Variants in SARDH observed in about 807,000 individuals in gnomAD.
SARDH encodes the protein sarcosine dehydrogenase.
A neutral mutation model predicts 109.1 loss-of-function variants in SARDH; 95 were observed. That is an observed-to-expected ratio of 0.87 (90% CI 0.74 to 1.03). The LOEUF is 1.03. SARDH is among the 50% of genes least tolerant of loss of function. The pLI, the probability that SARDH is intolerant of heterozygous loss-of-function variation, is 0.00. For synonymous variants in SARDH, 572 were observed against 534.8 expected, an observed-to-expected ratio of 1.07 and a Z score of -0.96; for missense variants, 1,267 against 1,287.8, an observed-to-expected ratio of 0.98 and a Z score of 0.25.
chr9:133,706,796 G>A (rs116169370), intron 11 of SARDH, among the ~76,000 whole-genome samples: 1,869 of 152,254 alleles, frequency 0.012, 36 homozygotes, highest in African/African-American at 0.043. Context: ...AGAGGGCCTC[G>A]GGGGCAGCAT....
At chr9:133,661,724 GC>G (rs1245345818), downstream of SARDH, among the ~76,000 whole-genome samples, 2 of 151,914 alleles carry the variant, frequency 1.3e-5, no homozygotes, top group African/African-American at 4.8e-5. Context: ...CAGGTGATCC[GC>G]CCCCCTCGGC....
chr9:133,728,933 C>T lies in SARDH; in HGVS notation c.915+832G>A, dbSNP rs192303236. 7.0e-4 allele frequency among the ~76,000 whole-genome samples: 106 copies of T among 150,808 alleles called. No individual in the cohort carries two copies. The highest frequency in any genetic ancestry group is 2.5e-3 in the African/African-American group (104 of 40,900). ...ATGAAAGAAGGGATGGACAGATGAACATGTGGATAAATAGATGAATAGATA... is the reference window on the plus strand; with the variant it reads ...ATGAAAGAAGGGATGGACAGATGAATATGTGGATAAATAGATGAATAGATA... On this transcript the variant is annotated intron_variant, in intron 6 of 20. Transcript: ENST00000439388. The surrounding 1 kb of genome is among the most constrained non-coding windows in gnomAD (Gnocchi z 5.0).
At position 133,718,867 on chromosome 9, in the gene SARDH, G is replaced by A. The variant is rs1431941752; in HGVS notation, c.1020+71C>T. 7 of 1,229,384 alleles carry A rather than the reference G, an allele frequency of 5.7e-6. No individual in the cohort carries two copies. Among genetic ancestry groups the A allele is most frequent in the Non-Finnish European group, 6.0e-6 (5 of 830,536 alleles). 76.2% of individuals were successfully genotyped at this position (1,229,384 alleles called of 1,614,324 possible). A position where few individuals can be genotyped will look rare whatever the true frequency, so the allele number is the denominator to read the frequency against. The stretch of plus-strand genomic sequence containing the variant: ...GGAGCTTCAGGAGGATGGACTTCCT[G>A]AAAGAGGCCCTCTCCATGCTGAGAT... On this transcript the variant is annotated intron_variant, in intron 7 of 20. Coordinates refer to ENST00000439388, the MANE Select transcript of SARDH (RefSeq NM_001134707.2). The surrounding 1 kb of genome is among the most constrained non-coding windows in gnomAD (Gnocchi z 4.2).
At chr9:133,664,427 C>T (rs1010002211) in intron 20 of SARDH, among the ~76,000 whole-genome samples, 1 of 152,232 alleles carries the variant, frequency 6.6e-6, no homozygotes, top group African/African-American at 2.4e-5. Context: ...CTGGAACAGC[C>T]TTCTAGACAG....
Position 133,693,809 on chromosome 9 carries a change from G to A in SARDH, c.1921+449C>T, listed in dbSNP as rs144591718. 4.2e-3 allele frequency among the ~76,000 whole-genome samples: 645 copies of A among 152,324 alleles called. 1 individual carries two copies. The highest frequency in any genetic ancestry group is 0.015 in the African/African-American group (628 of 41,568). On this transcript the variant is annotated intron_variant, in intron 15 of 20. Coordinates refer to ENST00000439388, the MANE Select transcript of SARDH (RefSeq NM_001134707.2). This position sits in a 1 kb window ranked among gnomAD's most constrained non-coding sequence, Gnocchi z 5.6. ...CTGCAGCAGGCAATCAGGCATCAGC[G>A]TGGGCCCTGAACTGGACGTCTTCTA...
chr9:133,717,357 C>A lies in SARDH; in HGVS notation c.1119G>T (p.Lys373Asn). The change falls in exon 8 of 21, where the codon AAG (lysine) becomes AAT (asparagine). Residue 373 changes from lysine (K) to asparagine (N), a missense_variant. Lys to Asn is a moderately conservative substitution (Grantham distance 94). Coordinates refer to ENST00000439388, the MANE Select transcript of SARDH (RefSeq NM_001134707.2). ...GAINRVPVLEKTGIKSTVCGP... is the reference protein window; with the variant it reads ...GAINRVPVLENTGIKSTVCGP... Reference sequence around the variant, plus strand: ...CGCAGACCGTGGACTTGATTCCTGTCTTCTCCAGCACGGGGACCCTGTTGA... The same window carrying A: ...CGCAGACCGTGGACTTGATTCCTGTATTCTCCAGCACGGGGACCCTGTTGA... 1 of 1,614,156 alleles carries A rather than the reference C, an allele frequency of 6.2e-7. No individual in the cohort carries two copies.
intron 1 of SARDH, among the ~76,000 whole-genome samples, chr9:133,735,582 C>T (rs145336045): frequency 1.7e-3 from 254 of 152,326 alleles, no homozygotes; most frequent in Non-Finnish European, 2.7e-3. Flanking sequence ...TCAGCCTCCA[C>T]GTTTGCACTG....
In SARDH at chr9:133,687,720, GA is replaced by G. The variant is rs199746931; in HGVS notation, c.2070-2435del. On this transcript the variant is annotated intron_variant, in intron 16 of 20. Coordinates refer to ENST00000439388, the MANE Select transcript of SARDH (RefSeq NM_001134707.2). ...ACCACTCAGTTATGGAGCATTTCCA[GA>G]AAGTTCCATGGGGCAGCAGCTCACA... Among the ~76,000 whole-genome samples the G allele has an allele frequency of 8.4e-3, 1,279 of 152,318 alleles. 10 individuals carry two copies. Among genetic ancestry groups the G allele is most frequent in the Middle Eastern group, 0.024 (7 of 294 alleles).
chr9:133,732,400 G>GGC, intron 3 of SARDH, 23 bp downstream of exon 3: 1 of 763,150 alleles, frequency 1.3e-6, no homozygotes, highest in African/African-American at 3.0e-5. Context: ...CCCCCTCCTT[G>GGC]CCCCCCGCAG....
chr9:133,687,993 G>A (rs927453976), intron 16 of SARDH, among the ~76,000 whole-genome samples: 24 of 152,098 alleles, frequency 1.6e-4, no homozygotes, highest in African/African-American at 3.4e-4. Context: ...TGGGCGCACC[G>A]GCCGCCCCCG....
At position 133,728,225 on chromosome 9, in the gene SARDH, G is replaced by A. The variant is rs904915118; in HGVS notation, c.915+1540C>T. Among the ~76,000 whole-genome samples, 5 of 152,172 alleles carry A rather than the reference G, an allele frequency of 3.3e-5. No homozygotes were observed. The highest frequency in any genetic ancestry group is 6.5e-5 in the Admixed American group (1 of 15,282). ...GCGCACAGGAGTCAGAGGCAGCAGCGCACTGGGACCCAGGTTCCGGCCCCA... is the reference window on the plus strand; with the variant it reads ...GCGCACAGGAGTCAGAGGCAGCAGCACACTGGGACCCAGGTTCCGGCCCCA... On this transcript the variant is annotated intron_variant, in intron 6 of 20. Transcript: ENST00000439388. The surrounding 1 kb of genome is among the most constrained non-coding windows in gnomAD (Gnocchi z 5.0).
At chr9:133,719,972 G>A (rs189080901) in intron 6 of SARDH, among the ~76,000 whole-genome samples, 2,617 of 152,176 alleles carry the variant, frequency 0.017, 67 homozygotes, top group African/African-American at 0.056. Flanking sequence ...TTAGCTGGGC[G>A]TGGTGGCGGG....
In SARDH at chr9:133,692,278, G is replaced by A. The variant is rs1831127605; in HGVS notation, c.1922-1751C>T. Among the ~76,000 whole-genome samples, 1 of 152,144 alleles carries A rather than the reference G, an allele frequency of 6.6e-6. No homozygotes were observed. The highest frequency in any genetic ancestry group is 6.5e-5 in the Admixed American group (1 of 15,282). On this transcript the variant is annotated intron_variant, in intron 15 of 20. Coordinates refer to ENST00000439388, the MANE Select transcript of SARDH (RefSeq NM_001134707.2). The surrounding 1 kb of genome is among the most constrained non-coding windows in gnomAD (Gnocchi z 5.0). ...ACCTGGCCAGGATTTTTGGTGACCT[G>A]TGTCCTCATTTTGGCCCCTCTACTG...
At chr9:133,697,733 C>T (rs1044215633) in intron 13 of SARDH, among the ~76,000 whole-genome samples, 4 of 152,040 alleles carry the variant, frequency 2.6e-5, no homozygotes, top group African/African-American at 7.2e-5. Flanking sequence ...ATGATAAAAA[C>T]GCACAACAAA....
rs1439000275 is a variant in SARDH at position 133,731,826 on chromosome 9, A to C, written c.511-342T>G. 2.0e-5 allele frequency among the ~76,000 whole-genome samples: 3 copies of C among 152,340 alleles called. No individual in the cohort carries two copies. In the East Asian group the frequency reaches 5.8e-4, roughly 29 times the overall value. ...GAACTTAGACCAGTGCCTGGCACAA[A>C]GTGTCTATTATATAAGATAAATAAC... On this transcript the variant is annotated intron_variant, in intron 3 of 20. Coordinates refer to ENST00000439388, the MANE Select transcript of SARDH (RefSeq NM_001134707.2).
chr9:133,724,657 C>T (rs189295257), intron 6 of SARDH, among the ~76,000 whole-genome samples: 5 of 152,308 alleles, frequency 3.3e-5, no homozygotes, highest in Admixed American at 2.6e-4. Flanking sequence ...TAATTCCACT[C>T]CAGTGTATAG....
rs1403469104 is a variant in SARDH at position 133,731,480 on chromosome 9, C to A, written c.515G>T (p.Gly172Val). The change falls in exon 4 of 21, where the codon GGC becomes GTC. Residue 172 changes from glycine (G) to valine (V), a missense_variant. Transcript: ENST00000439388. Reference sequence around the variant, plus strand: ...ATGGGATTCCACACCATACGCCTTGCCCAGCTAGGGGGACCCAGGGGAGGT... The same window carrying A: ...ATGGGATTCCACACCATACGCCTTGACCAGCTAGGGGGACCCAGGGGAGGT... The part of the protein sequence containing the change: ...LDEYKRLMSL[G>V]KAYGVESHVL... 5.0e-6 allele frequency: 8 copies of A among 1,614,014 alleles called. No individual in the cohort carries two copies. Among genetic ancestry groups the A allele is most frequent in the Non-Finnish European group, 6.8e-6 (8 of 1,179,912 alleles).
At chr9:133,731,637 C>A (rs1311163351) in intron 3 of SARDH, among the ~76,000 whole-genome samples, 153 bp from the exon 4 acceptor site, 1 of 152,110 alleles carries the variant, frequency 6.6e-6, no homozygotes, top group African/African-American at 2.4e-5. Flanking sequence ...TCCCTTGAAT[C>A]CGCTTCAGCA....
intron 13 of SARDH, among the ~76,000 whole-genome samples, chr9:133,697,891 C>T (rs2131400938): frequency 6.6e-6 from 1 of 151,496 alleles, no homozygotes; most frequent in Admixed American, 6.6e-5. Flanking sequence ...GAGGCTCTAG[C>T]CAGGGCAATT....
Sources: gnomAD v4.1 joint callset for allele counts (sites outside exome capture counted in the v4.1 genomes callset) on GRCh38, gnomAD v4.1.1 for gene constraint, Gnocchi (gnomAD v3.1) non-coding constraint, MANE v1.5 for transcripts, NCBI Gene and HGNC (gene_info 2026-07-23, HGNC 2026-07-21) for gene names.